The following ZNF100 variants were observed in gnomAD, a reference collection of about 807,000 sequenced individuals.
ZNF100 encodes the protein zinc finger protein 100 (Y1).
Under a neutral mutation model 15.8 loss-of-function variants are expected in ZNF100, and 12 were observed. The observed-to-expected ratio is 0.76, with a 90% CI of 0.49 to 1.23. ZNF100 has a LOEUF of 1.23. Among genes scored for constraint, ZNF100 ranks in the 50% most tolerant of loss-of-function variants. ZNF100 has a pLI of 0.00. For missense variants in ZNF100, 670 were observed against 635.6 expected (o/e 1.05, Z -0.58); for synonymous variants, 226 against 214.8 (o/e 1.05, Z -0.45).
intron 4 of ZNF100, among the ~76,000 whole-genome samples, chr19:21,730,193 A>G (rs2035887796): frequency 6.6e-6 from 1 of 152,074 alleles, no homozygotes; most frequent in Non-Finnish European, 1.5e-5. Context: ...ATATTTTAAA[A>G]ACTGAGATCC....
At chr19:21,765,599 C>G (rs1195660371) in intron 2 of ZNF100, 95 bp downstream of exon 2, 21 of 1,111,238 alleles carry the variant, frequency 1.9e-5, no homozygotes, top group Admixed American at 5.6e-5. Context: ...TGTGTTTCCC[C>G]TCAATACCAG....
intron 2 of ZNF100, chr19:21,750,761 T>G (rs1473570232): frequency 5.0e-4 from 163 of 328,008 alleles, no homozygotes; most frequent in Middle Eastern, 8.3e-4. Flanking sequence ...GGCTGCGCCA[T>G]TGTTGGGGGA....
Position 21,727,267 on chromosome 19 carries a change from C to G in ZNF100, c.1045G>C (p.Glu349Gln), listed in dbSNP as rs760640271. The G allele has an allele frequency of 3.7e-6, 6 of 1,613,522 alleles. No homozygotes were observed. In the South Asian group the frequency reaches 5.5e-5, roughly 15 times the overall value. Residue 349 changes from glutamate to glutamine, a missense_variant, in exon 5 of 5, where the codon GAA becomes CAA. Physicochemically the swap from Glu to Gln is conservative, Grantham distance 29. Transcript: ENST00000358296. Reference protein sequence around the residue: ...HTGEKPYKCEECGKAFNQSST... With the variant: ...HTGEKPYKCEQCGKAFNQSST... The stretch of plus-strand genomic sequence containing the variant: ...GACTGGTTAAAGGCTTTGCCACATT[C>G]TTCACATTTGTAGGGTTTCTCTCCA...
At chr19:21,731,302 C>CTTTTTTTTTTTTTTTT (rs1052854047) in intron 4 of ZNF100, among the ~76,000 whole-genome samples, 2 of 139,630 alleles carry the variant, frequency 1.4e-5, no homozygotes. Flanking sequence ...TTTTTCTTTC[C>CTTTTTTTTTTTTTTTT]TTTTTTTTTT....
At chr19:21,731,302 C>CTTTTTTTTTT (rs1052854047) in intron 4 of ZNF100, among the ~76,000 whole-genome samples, 7 of 139,676 alleles carry the variant, frequency 5.0e-5, no homozygotes, top group African/African-American at 1.1e-4. Flanking sequence ...TTTTTCTTTC[C>CTTTTTTTTTT]TTTTTTTTTT....
chr19:21,727,961 A>G lies in ZNF100; in HGVS notation c.351T>C (p.Leu117=), dbSNP rs1261470554. ...AATCTTTAATGTCCTGCTCTGCCCA[A>G]AGGTCTTGGGGAAAATGAGAACATA... ...PVICSHFPQD[L]WAEQDIKDSF... is the part of the protein sequence containing the mutation. The change falls in exon 5 of 5, where the codon CTT becomes CTC. Residue 117 remains leucine, a synonymous_variant. Coordinates refer to ENST00000358296, the MANE Select transcript of ZNF100 (RefSeq NM_173531.4). The G allele has an allele frequency of 1.3e-6, 2 of 1,540,694 alleles. No homozygotes were observed. Among genetic ancestry groups the G allele is most frequent in the South Asian group, 1.3e-5 (1 of 76,774 alleles).
At chr19:21,763,384 G>C (rs2036511438) in intron 2 of ZNF100, among the ~76,000 whole-genome samples, 1 of 152,090 alleles carries the variant, frequency 6.6e-6, no homozygotes, top group Admixed American at 6.6e-5. Context: ...ATCACAAGGA[G>C]ATTGAGACCA....
At chr19:21,743,211 A>G (rs2036150015) in intron 4 of ZNF100, 1 of 152,242 alleles carries the variant, frequency 6.6e-6, no homozygotes, top group Non-Finnish European at 1.5e-5. Context: ...TTGATGACAG[A>G]GCGAGACTCC....
chr19:21,734,398 G>A (rs1270351005), intron 4 of ZNF100, among the ~76,000 whole-genome samples: 1 of 152,100 alleles, frequency 6.6e-6, no homozygotes, highest in African/African-American at 2.4e-5. Flanking sequence ...AAAACAACAT[G>A]AGAACCTCAC....
At position 21,766,989 on chromosome 19, in the gene ZNF100, C is replaced by CGCAA. The variant is rs2036574030; in HGVS notation, c.3+437_3+438insTTGC. Among the ~76,000 whole-genome samples the CGCAA allele has an allele frequency of 4.0e-5, 3 of 75,392 alleles. No homozygotes were observed. The Admixed American group carries it at 5.0e-4, about 13-fold the overall frequency. The allele number at this position is 75,392 out of a possible 152,430, so 49.5% of individuals were successfully genotyped here. A position where few individuals can be genotyped will look rare whatever the true frequency, so the allele number is the denominator to read the frequency against. The stretch of plus-strand genomic sequence containing the variant: ...AGCCTGGGCGACAGAGCGACTCCGT[C>CGCAA]TCAAACAAACAAAAAAATCGTTAAT... On this transcript the variant is annotated intron_variant, in intron 1 of 4. Transcript: ENST00000358296.
chr19:21,760,743 A>C (rs1054823841), intron 2 of ZNF100, among the ~76,000 whole-genome samples: 1 of 141,298 alleles, frequency 7.1e-6, no homozygotes, highest in Non-Finnish European at 1.5e-5. Context: ...GAATAGAGGA[A>C]GAACTTTCTT....
intron 4 of ZNF100, among the ~76,000 whole-genome samples, chr19:21,728,698 T>C (rs1301139870): frequency 6.6e-6 from 1 of 152,058 alleles, no homozygotes; most frequent in Admixed American, 6.6e-5. Context: ...TTGTGACAGG[T>C]AGCCTTTTTT....
At position 21,723,234 on chromosome 19, in the gene ZNF100, C is replaced by G. The variant is rs1406678514; in HGVS notation, c.*3449G>C. ...ATTCAGCCAGATGTGGTGGCAGGTG[C>G]CTGTAATCCCAGCTACTTGGGAGGC... On this transcript the variant is annotated 3_prime_UTR_variant, in exon 5 of 5. Coordinates refer to ENST00000358296, the MANE Select transcript of ZNF100 (RefSeq NM_173531.4). 6.6e-6 allele frequency: 1 copy of G among 151,632 alleles called. No individual in the cohort carries two copies. Among genetic ancestry groups the G allele is most frequent in the Non-Finnish European group, 1.5e-5 (1 of 67,950 alleles). The allele number at this position is 151,632 out of a possible 1,614,324, so 9.4% of individuals were successfully genotyped here.
chr19:21,753,781 A>C lies in ZNF100; in HGVS notation c.97-8714T>G, dbSNP rs149708129. Among the ~76,000 whole-genome samples, 154 of 152,328 alleles carry C rather than the reference A, an allele frequency of 1.0e-3. 1 individual carries two copies. The highest frequency in any genetic ancestry group is 3.5e-3 in the African/African-American group (146 of 41,582). On this transcript the variant is annotated intron_variant, in intron 2 of 4. Transcript: ENST00000358296. The stretch of plus-strand genomic sequence containing the variant: ...CGAAGTTTCTTTAATTTAAAGGAAG[A>C]TTTTGAAGAGCACTGTTAATTAACA...
intron 4 of ZNF100, among the ~76,000 whole-genome samples, chr19:21,741,994 T>C (rs1323967480): frequency 1.3e-5 from 2 of 152,058 alleles, no homozygotes; most frequent in East Asian, 1.9e-4. Flanking sequence ...AAATGTACAC[T>C]TAAAGAAATT....
At position 21,726,445 on chromosome 19, in the gene ZNF100, C is replaced by A; in HGVS notation, c.*238G>T. ...AAACTTTATCACATTCTTCACATTT[C>A]TAGGATTTCTCAACACTATGATTTA... On this transcript the variant is annotated 3_prime_UTR_variant, in exon 5 of 5. Transcript: ENST00000358296. 2.2e-6 allele frequency: 1 copy of A among 459,630 alleles called. No homozygotes were observed. Among genetic ancestry groups the A allele is most frequent in the Non-Finnish European group, 3.8e-6 (1 of 261,524 alleles). 28.5% of individuals were successfully genotyped at this position (459,630 alleles called of 1,614,324 possible).
intron 4 of ZNF100, among the ~76,000 whole-genome samples, chr19:21,739,864 CA>C (rs1388706990): frequency 1.3e-5 from 2 of 152,118 alleles, no homozygotes; most frequent in African/African-American, 4.8e-5. Flanking sequence ...ACACATTCTT[CA>C]ACATATTCCT....
rs1444708977 is a variant in ZNF100, at chr19:21,725,834, C to T, written c.*849G>A. 6.6e-6 allele frequency: 1 copy of T among 151,936 alleles called. No homozygotes were observed. Among genetic ancestry groups the T allele is most frequent in the Non-Finnish European group, 1.5e-5 (1 of 67,960 alleles). The allele number at this position is 151,936 out of a possible 1,614,324, so 9.4% of individuals were successfully genotyped here. Reference sequence around the variant, plus strand: ...AGTAAAATACCTGAAGCATCAGTGCCTTACATATTTCTACTGTAAATTCTC... The same window carrying T: ...AGTAAAATACCTGAAGCATCAGTGCTTTACATATTTCTACTGTAAATTCTC... On this transcript the variant is annotated 3_prime_UTR_variant, in exon 5 of 5. Coordinates refer to ENST00000358296, the MANE Select transcript of ZNF100 (RefSeq NM_173531.4).
chr19:21,747,147 C>T (rs1289500397), intron 2 of ZNF100, among the ~76,000 whole-genome samples: 1 of 152,144 alleles, frequency 6.6e-6, no homozygotes, highest in Non-Finnish European at 1.5e-5. Context: ...AACATATGGG[C>T]CACACTGCCC....
Sources: gnomAD v4.1 joint callset for allele counts (sites outside exome capture counted in the v4.1 genomes callset) on GRCh38, gnomAD v4.1.1 for gene constraint, MANE v1.5 for transcripts, NCBI Gene and HGNC (gene_info 2026-07-23, HGNC 2026-07-21) for gene names.